Variants in RGL1 observed in about 807,000 individuals in gnomAD.
RGL1 encodes the protein ral guanine nucleotide dissociation stimulator like 1, also known as ral guanine nucleotide dissociation stimulator-like 1.
A neutral mutation model predicts 95.2 loss-of-function variants in RGL1; 24 were observed. The observed-to-expected ratio is 0.25, with a 90% confidence interval of 0.18 to 0.35. The LOEUF (loss-of-function observed/expected upper bound fraction) is 0.35, where lower values mean the gene tolerates loss of function less well. RGL1 is among the 10% of genes least tolerant of loss of function. The pLI is 1.00. For missense variants in RGL1, 715 were observed against 936.3 expected, an observed-to-expected ratio of 0.76 and a Z score of 3.08; for synonymous variants, 329 against 344.9, an observed-to-expected ratio of 0.95 and a Z score of 0.51.
chr1:183,685,262 G>A lies in RGL1; in HGVS notation c.-33+48761G>A, dbSNP rs57169270. Among the ~76,000 whole-genome samples the A allele has an allele frequency of 4.5e-4, 68 of 152,246 alleles. No individual in the cohort carries two copies. The East Asian group carries it at 5.8e-3, about 13-fold the overall frequency. ...TTAGTGTGAAACATGGAAAGGAAAC[G>A]CCAGCAGCCTGGTTATGAATAGGAT... On this transcript the variant is annotated intron_variant, in intron 1 of 18. Transcript: ENST00000304685.
At chr1:183,914,553 C>T (rs1043955173) in intron 15 of RGL1, among the ~76,000 whole-genome samples, 1 of 152,158 alleles carries the variant, frequency 6.6e-6, no homozygotes, top group Non-Finnish European at 1.5e-5. Flanking sequence ...GCCGCCTTCT[C>T]CAAAAGTCCT....
At chr1:183,826,315 C>G (rs186569393) in intron 2 of RGL1, among the ~76,000 whole-genome samples, 4 of 152,270 alleles carry the variant, frequency 2.6e-5, no homozygotes, top group African/African-American at 9.6e-5. Context: ...CTCCCCCTAA[C>G]CCTGCAACTC....
Position 183,920,436 on chromosome 1 carries a change from A to G in RGL1, c.2005-1786A>G, listed in dbSNP as rs1166234162. 2.6e-5 allele frequency among the ~76,000 whole-genome samples: 4 copies of G among 152,390 alleles called. No homozygotes were observed. In the East Asian group the frequency reaches 7.7e-4, roughly 29 times the overall value. On this transcript the variant is annotated intron_variant, in intron 16 of 17. Coordinates refer to ENST00000360851, the MANE Select transcript of RGL1 (RefSeq NM_001297671.3). Reference sequence around the variant, plus strand: ...ATTCAGTCTATCAGCATAAGGATGCACGCTTGAGCTGTGAATACTCATTGT... The same window carrying G: ...ATTCAGTCTATCAGCATAAGGATGCGCGCTTGAGCTGTGAATACTCATTGT...
upstream of RGL1, among the ~76,000 whole-genome samples, chr1:183,800,462 T>A (rs1279986728): frequency 6.6e-6 from 1 of 152,210 alleles, no homozygotes; most frequent in East Asian, 1.9e-4. Context: ...TTTCTGTTGT[T>A]ACTGTCAGTG....
chr1:183,745,266 A>G (rs772602769), intron 2 of RGL1, among the ~76,000 whole-genome samples: 4 of 152,178 alleles, frequency 2.6e-5, no homozygotes, highest in Non-Finnish European at 5.9e-5. Context: ...TTTACTAAAC[A>G]ATCCTTTTTA....
chr1:183,881,367 A>G (rs537823333), intron 5 of RGL1, among the ~76,000 whole-genome samples: 49 of 152,342 alleles, frequency 3.2e-4, no homozygotes, highest in African/African-American at 1.2e-3. Context: ...TTTAGCATCT[A>G]TAAGGGCCTC....
In RGL1 at chr1:183,774,081, G is replaced by C. The variant is rs538817778; in HGVS notation, c.132+31792G>C. ...ATTGCCATATGCACAGAACTTACCG[G>C]AAGAAGTGTAGCAAGCCCCTTGATA... On this transcript the variant is annotated intron_variant, in intron 2 of 18. Transcript: ENST00000304685. Among the ~76,000 whole-genome samples, 8 of 152,316 alleles carry C rather than the reference G, an allele frequency of 5.3e-5. No individual in the cohort carries two copies. The East Asian group carries it at 1.5e-3, about 29-fold the overall frequency.
At chr1:183,715,413 T>C (rs972047440) in intron 1 of RGL1, among the ~76,000 whole-genome samples, 1 of 152,286 alleles carries the variant, frequency 6.6e-6, no homozygotes, top group Non-Finnish European at 1.5e-5. Flanking sequence ...GGTGAACTGA[T>C]TGTTATATAG....
intron 4 of RGL1, among the ~76,000 whole-genome samples, chr1:183,871,193 G>T (rs1028970437): frequency 6.6e-6 from 1 of 152,206 alleles, no homozygotes; most frequent in Non-Finnish European, 1.5e-5. Context: ...TTCTCTGTTG[G>T]AAAGTGTGTT....
At chr1:183,862,069 T>G (rs971804478) in intron 3 of RGL1, among the ~76,000 whole-genome samples, 1 of 152,198 alleles carries the variant, frequency 6.6e-6, no homozygotes, top group Non-Finnish European at 1.5e-5. Context: ...TGGCCTGGCA[T>G]GTTGGCTTAT....
intron 2 of RGL1, among the ~76,000 whole-genome samples, chr1:183,831,703 G>A (rs187407141): frequency 3.2e-4 from 49 of 152,280 alleles, no homozygotes; most frequent in Admixed American, 2.9e-3. Context: ...AATGTCACTA[G>A]ATAGATTCAT....
At chr1:183,903,889 A>G (rs570711130) in intron 12 of RGL1, among the ~76,000 whole-genome samples, 1 of 152,238 alleles carries the variant, frequency 6.6e-6, no homozygotes, top group Non-Finnish European at 1.5e-5. Flanking sequence ...TTTTTTCTTT[A>G]GCATGATGGT....
intron 1 of RGL1, among the ~76,000 whole-genome samples, chr1:183,641,344 A>G (rs188426869): frequency 2.5e-4 from 38 of 152,314 alleles, no homozygotes; most frequent in African/African-American, 9.1e-4. Context: ...TCTATTGCCC[A>G]GGCTGGTCTT....
At chr1:183,637,623 G>GAAT (rs1649637154) in intron 1 of RGL1, among the ~76,000 whole-genome samples, 1 of 152,114 alleles carries the variant, frequency 6.6e-6, no homozygotes, top group Non-Finnish European at 1.5e-5. Context: ...CTCGAGAATG[G>GAAT]AATACATCCC....
At chr1:183,857,645 T>G (rs1380529601) in intron 3 of RGL1, among the ~76,000 whole-genome samples, 1 of 152,232 alleles carries the variant, frequency 6.6e-6, no homozygotes, top group Non-Finnish European at 1.5e-5. Flanking sequence ...ATTTTCTCCC[T>G]GTAACTATGC....
intron 1 of RGL1, among the ~76,000 whole-genome samples, chr1:183,655,277 T>C (rs1651069845): frequency 1.3e-5 from 2 of 152,248 alleles, no homozygotes; most frequent in Admixed American, 6.5e-5. Context: ...CAAGATGGCT[T>C]GTGTGTTGCT....
chr1:183,918,477 G>A (rs1669120426), intron 16 of RGL1, among the ~76,000 whole-genome samples: 1 of 152,216 alleles, frequency 6.6e-6, no homozygotes, highest in Non-Finnish European at 1.5e-5. Context: ...TAACTCTACA[G>A]TGTCTCTGAA....
At chr1:183,823,097 A>T (rs1662604083) in intron 2 of RGL1, among the ~76,000 whole-genome samples, 1 of 152,196 alleles carries the variant, frequency 6.6e-6, no homozygotes, top group Admixed American at 6.5e-5. Flanking sequence ...TTAACACCAC[A>T]CATAATCTTC....
At chr1:183,914,197 C>T (rs536333109) in intron 15 of RGL1, among the ~76,000 whole-genome samples, 1 of 152,286 alleles carries the variant, frequency 6.6e-6, no homozygotes, top group Admixed American at 6.5e-5. Context: ...CACAGTCACA[C>T]CTTGTGGCAT....
Sources: allele counts gnomAD v4.1 joint callset (sites outside exome capture counted in the v4.1 genomes callset), GRCh38; gene constraint gnomAD v4.1.1; transcripts MANE v1.5; gene names NCBI Gene and HGNC (gene_info 2026-07-23, HGNC 2026-07-21).